The following RBFOX1 variants were observed in gnomAD, a reference collection of about 807,000 sequenced individuals.
RBFOX1 encodes the protein RNA binding fox-1 homolog 1.
Under a neutral mutation model 57.7 loss-of-function variants are expected in RBFOX1, and 8 were observed. That is an observed-to-expected ratio of 0.14 (90% CI 0.08 to 0.25). The LOEUF (loss-of-function observed/expected upper bound fraction) is 0.25. Ranked by LOEUF, RBFOX1 falls within the 10% of genes least tolerant of loss-of-function variation. The pLI, the probability that RBFOX1 is intolerant of heterozygous loss-of-function variation, is 1.00. For synonymous variants in RBFOX1, 326 were observed against 222.4 expected, an observed-to-expected ratio of 1.47 and a Z score of -4.15; for missense variants, 611 against 548.5, an observed-to-expected ratio of 1.11 and a Z score of -1.14.
chr16:5,795,918 G>C (rs2054862241), intron 3 of RBFOX1, among the ~76,000 whole-genome samples: 1 of 152,206 alleles, frequency 6.6e-6, no homozygotes, highest in South Asian at 2.1e-4. Flanking sequence ...CTCTACTGGA[G>C]ATAGGTCGAC....
At position 7,710,848 on chromosome 16, in the gene RBFOX1, A is replaced by AC; in HGVS notation, c.*103_*104insC. On this transcript the variant is annotated 3_prime_UTR_variant, in exon 16 of 16. Coordinates refer to ENST00000550418, the MANE Select transcript of RBFOX1 (RefSeq NM_018723.4). ...AGTACATCATTTTAGCAACTCTAAA[A>AC]AAAAAAAAAATACAAATAAAAAGGA... 2.0e-6 allele frequency: 2 copies of AC among 985,710 alleles called. No individual in the cohort carries two copies. The highest frequency in any genetic ancestry group is 2.6e-6 in the Non-Finnish European group (2 of 765,376). 61.1% of individuals were successfully genotyped at this position (985,710 alleles called of 1,614,324 possible). A position where few individuals can be genotyped will look rare whatever the true frequency, so the allele number is the denominator to read the frequency against.
rs543187548 is a variant in RBFOX1, at chr16:5,874,055, T to C, written c.351+6720T>C. ...TCCTCATGGAAATCAAAGAGTAAGA[T>C]GGTTACAAGAGAGAGGTAGGGGTAT... On this transcript the variant is annotated intron_variant, in intron 4 of 19. Transcript: ENST00000641259. Among the ~76,000 whole-genome samples, 4 of 152,230 alleles carry C rather than the reference T, an allele frequency of 2.6e-5. No homozygotes were observed. The South Asian group carries it at 8.3e-4, about 32-fold the overall frequency.
At chr16:6,761,136 C>A (rs2076540285) in intron 3 of RBFOX1, among the ~76,000 whole-genome samples, 2 of 152,246 alleles carry the variant, frequency 1.3e-5, no homozygotes, top group East Asian at 1.9e-4. Context: ...TAGAAATTTT[C>A]ATCATGATGA....
chr16:7,004,786 C>T (rs191978912), intron 3 of RBFOX1, among the ~76,000 whole-genome samples: 3 of 152,102 alleles, frequency 2.0e-5, no homozygotes, highest in African/African-American at 7.2e-5. Context: ...ATTAAGATAA[C>T]CTAATCCACG....
intron 3 of RBFOX1, among the ~76,000 whole-genome samples, chr16:5,664,965 G>C (rs1220401690): frequency 2.7e-5 from 4 of 150,858 alleles, no homozygotes; most frequent in African/African-American, 9.8e-5. Flanking sequence ...TTTTTATCGA[G>C]ATAGGGTCTT....
chr16:6,627,022 C>T (rs1160909661), intron 2 of RBFOX1, among the ~76,000 whole-genome samples: 4 of 152,188 alleles, frequency 2.6e-5, no homozygotes, highest in Non-Finnish European at 5.9e-5. Flanking sequence ...GCTATGTTGC[C>T]GAAGGCTACC....
chr16:7,198,160 C>T (rs555596817), intron 4 of RBFOX1, among the ~76,000 whole-genome samples: 2 of 152,124 alleles, frequency 1.3e-5, no homozygotes, highest in African/African-American at 2.4e-5. Flanking sequence ...CACCCGCCAC[C>T]ACAGCTGGCT....
At chr16:5,540,317 T>G (rs2044877691) in intron 2 of RBFOX1, among the ~76,000 whole-genome samples, 1 of 152,200 alleles carries the variant, frequency 6.6e-6, no homozygotes, top group South Asian at 2.1e-4. Flanking sequence ...CATATATGTT[T>G]GGAAAAAATT....
intron 4 of RBFOX1, among the ~76,000 whole-genome samples, chr16:7,085,544 G>A (rs1456597450): frequency 6.6e-6 from 1 of 152,110 alleles, no homozygotes; most frequent in Non-Finnish European, 1.5e-5. Flanking sequence ...GATAGATACA[G>A]AGCACGTGTT....
chr16:6,019,089 A>ACACACG lies in RBFOX1; in HGVS notation c.-1024_-1019dup, dbSNP rs1205778634. 67 of 984,270 alleles carry ACACACG rather than the reference A, an allele frequency of 6.8e-5. No homozygotes were observed. Among genetic ancestry groups the ACACACG allele is most frequent in the Non-Finnish European group, 8.0e-5 (66 of 829,626 alleles). The allele number at this position is 984,270 out of a possible 1,614,324, so 61.0% of individuals were successfully genotyped here. On this transcript the variant is annotated 5_prime_UTR_variant, in exon 1 of 16. Coordinates refer to ENST00000550418, the MANE Select transcript of RBFOX1 (RefSeq NM_018723.4). This position sits in a 1 kb window ranked among gnomAD's most constrained non-coding sequence, Gnocchi z 4.2. ...GTCGCGCGCTCACACACACACAGAC[A>ACACACG]CACACGCACACACACACATGCACAC...
chr16:5,355,624 G>T (rs1330913455), intron 1 of RBFOX1, among the ~76,000 whole-genome samples: 1 of 152,160 alleles, frequency 6.6e-6, no homozygotes, highest in Non-Finnish European at 1.5e-5. Context: ...TTTAGAAGGG[G>T]CCTGTAGTGG....
intron 4 of RBFOX1, among the ~76,000 whole-genome samples, chr16:7,373,807 G>A (rs74010679): frequency 0.015 from 2,254 of 152,260 alleles, 59 homozygotes; most frequent in African/African-American, 0.052. Context: ...CATTCACAGA[G>A]CAACTTTTTT....
intron 1 of RBFOX1, among the ~76,000 whole-genome samples, chr16:6,244,650 C>G (rs559428597): frequency 7.2e-5 from 11 of 152,192 alleles, no homozygotes; most frequent in Non-Finnish European, 1.2e-4. Flanking sequence ...GCTGGGATTA[C>G]AGGCATGTGC....
intron 4 of RBFOX1, among the ~76,000 whole-genome samples, chr16:7,477,846 C>A (rs1599451450): frequency 6.6e-6 from 1 of 152,270 alleles, no homozygotes; most frequent in Non-Finnish European, 1.5e-5. Context: ...TCGAAAAATG[C>A]AGAGATAATA....
At chr16:7,109,975 C>T (rs1310489378) in intron 4 of RBFOX1, among the ~76,000 whole-genome samples, 1 of 152,072 alleles carries the variant, frequency 6.6e-6, no homozygotes, top group Non-Finnish European at 1.5e-5. Context: ...AAGGACACTG[C>T]AGAGTAAAAC....
At chr16:6,687,953 A>G (rs1237467332) in intron 3 of RBFOX1, among the ~76,000 whole-genome samples, 1 of 152,230 alleles carries the variant, frequency 6.6e-6, no homozygotes, top group Non-Finnish European at 1.5e-5. Flanking sequence ...AGCTTCAGAA[A>G]TGAAAGATGA....
At chr16:7,645,093 CT>C (rs1204352549) in intron 11 of RBFOX1, among the ~76,000 whole-genome samples, 2 of 152,184 alleles carry the variant, frequency 1.3e-5, no homozygotes, top group South Asian at 2.1e-4. Flanking sequence ...TTGTCACCAT[CT>C]TTTTTTTCCC....
At chr16:6,745,353 C>T in intron 3 of RBFOX1, among the ~76,000 whole-genome samples, 1 of 151,542 alleles carries the variant, frequency 6.6e-6, no homozygotes, top group East Asian at 1.9e-4. Context: ...AGAAAAAACC[C>T]CCGAAACCAC....
At chr16:6,834,007 G>C (rs1730903439) in intron 3 of RBFOX1, among the ~76,000 whole-genome samples, 2 of 152,092 alleles carry the variant, frequency 1.3e-5, no homozygotes, top group African/African-American at 4.8e-5. Flanking sequence ...TGAGTACACT[G>C]GGAAGCCATT....
Sources: allele counts gnomAD v4.1 joint callset (sites outside exome capture counted in the v4.1 genomes callset), GRCh38; gene constraint gnomAD v4.1.1; non-coding constraint Gnocchi (gnomAD v3.1); transcripts MANE v1.5; gene names NCBI Gene and HGNC (gene_info 2026-07-23, HGNC 2026-07-21).